Variants in SETD2 observed in about 807,000 individuals in gnomAD.
The protein encoded by SETD2 is SET domain containing 2, histone lysine methyltransferase.
SETD2 carries 31 observed loss-of-function variants against 242.1 expected under a neutral mutation model. The observed-to-expected ratio is 0.13, with a 90% CI of 0.10 to 0.17. SETD2 has a LOEUF of 0.17. Ranked by LOEUF, SETD2 falls within the 10% of genes least tolerant of loss-of-function variation. The pLI is 1.00. For missense variants in SETD2, 2,481 were observed against 3,046.3 expected (o/e 0.81, Z 4.37); for synonymous variants, 1,006 against 1,066.5 (o/e 0.94, Z 1.11).
Position 47,061,217 on chromosome 3 carries a change from C to CA in SETD2, c.6293+945dup, listed in dbSNP as rs948929003. The stretch of plus-strand genomic sequence containing the variant: ...TGGGCAACAGAGCAAGGCTCTGTCT[C>CA]AAAAAAAAAGATACTTCACAGAACA... On this transcript the variant is annotated intron_variant, in intron 14 of 20. Transcript: ENST00000409792. Among the ~76,000 whole-genome samples the CA allele has an allele frequency of 1.0e-4, 15 of 149,994 alleles. No individual in the cohort carries two copies. The East Asian group carries it at 1.4e-3, about 14-fold the overall frequency.
At chr3:47,130,164 T>C (rs940990496) in intron 1 of SETD2, among the ~76,000 whole-genome samples, 20 of 151,890 alleles carry the variant, frequency 1.3e-4, no homozygotes, top group African/African-American at 4.6e-4. Context: ...ACAAGAGGGG[T>C]AGAAGGCAAG....
At chr3:47,092,509 TTAAA>T (rs1233145769) in intron 9 of SETD2, among the ~76,000 whole-genome samples, 1 of 148,856 alleles carries the variant, frequency 6.7e-6, no homozygotes, top group Non-Finnish European at 1.5e-5. Context: ...TTTATATATA[TTAAA>T]TATATATTTA....
Position 47,163,838 on chromosome 3 carries a change from C to A in SETD2, c.71+16G>T, listed in dbSNP as rs1167518416. The stretch of plus-strand genomic sequence containing the variant: ...GGCGGCCGACAGCAGCGGGGGGCCG[C>A]GGAGCTGATACTTACTCAGGGGTCG... On this transcript the variant is annotated intron_variant, in intron 1 of 20. Coordinates refer to ENST00000409792, the MANE Select transcript of SETD2 (RefSeq NM_014159.7). The A allele has an allele frequency of 1.6e-6, 2 of 1,277,378 alleles. No individual in the cohort carries two copies. The highest frequency in any genetic ancestry group is 1.5e-5 in the African/African-American group (1 of 65,208). 79.1% of individuals were successfully genotyped at this position (1,277,378 alleles called of 1,614,324 possible). A position where few individuals can be genotyped will look rare whatever the true frequency, so the allele number is the denominator to read the frequency against.
At chr3:47,023,896 C>G (rs2038352259) in intron 18 of SETD2, among the ~76,000 whole-genome samples, 1 of 152,156 alleles carries the variant, frequency 6.6e-6, no homozygotes, top group Non-Finnish European at 1.5e-5. Context: ...TGAAATCAAT[C>G]CCCTATGGAT....
intron 2 of SETD2, 146 bp downstream of exon 2, chr3:47,126,502 T>C: frequency 2.1e-6 from 1 of 487,024 alleles, no homozygotes; most frequent in South Asian, 4.1e-5. Flanking sequence ...TTACCATGGC[T>C]CTAAAAACAA....
rs2106713970 is a variant in SETD2 at position 47,123,856 on chromosome 3, A to T, written c.780T>A (p.Ser260=). The change falls in exon 3 of 21, where the codon TCT becomes TCA. Residue 260 remains serine, a synonymous_variant. Coordinates refer to ENST00000409792, the MANE Select transcript of SETD2 (RefSeq NM_014159.7). The part of the protein sequence containing the change: ...LEADTKQDTI[S]NSLEEHVTQI... ...GAGTTACGTGTTCTTCTAAACTATT[A>T]GATATAGTGTCCTGCTTAGTATCTG... 3 of 1,550,524 alleles carry T rather than the reference A, an allele frequency of 1.9e-6. No homozygotes were observed. Among genetic ancestry groups the T allele is most frequent in the East Asian group, 2.4e-5 (1 of 40,924 alleles).
intron 5 of SETD2, among the ~76,000 whole-genome samples, chr3:47,113,106 C>CTTTTTTTTT: frequency 6.7e-6 from 1 of 148,208 alleles, no homozygotes; most frequent in Non-Finnish European, 1.5e-5. Flanking sequence ...CTCTTCTACT[C>CTTTTTTTTT]TTTTTTTTTT....
rs557416277 is a variant in SETD2, at chr3:47,077,827, T to C, written c.6060+5893A>G. Among the ~76,000 whole-genome samples, 3 of 152,164 alleles carry C rather than the reference T, an allele frequency of 2.0e-5. 1 individual carries two copies. The highest frequency in any genetic ancestry group is 4.1e-4 in the South Asian group (2 of 4,834). ...AAGGTAAAAGAAAATAATGGAGATATGTCAGAATGACACAAAAGCCAACAT... is the reference window on the plus strand; with the variant it reads ...AAGGTAAAAGAAAATAATGGAGATACGTCAGAATGACACAAAAGCCAACAT... On this transcript the variant is annotated intron_variant, in intron 12 of 20. Coordinates refer to ENST00000409792, the MANE Select transcript of SETD2 (RefSeq NM_014159.7).
chr3:47,163,750 G>GGGC, intron 1 of SETD2, 104 bp downstream of exon 1: 1 of 1,156,512 alleles, frequency 8.6e-7, no homozygotes. Flanking sequence ...CCGTGGGCCT[G>GGGC]TTACTCCTCG....
intron 17 of SETD2, chr3:47,041,530 T>G (rs2039280082): frequency 3.8e-6 from 1 of 264,216 alleles, no homozygotes; most frequent in Non-Finnish European, 7.6e-6. Context: ...ATTCCATAGT[T>G]CTATGTTAAT....
At chr3:47,147,934 A>T (rs1463179650) in intron 1 of SETD2, among the ~76,000 whole-genome samples, 1 of 151,538 alleles carries the variant, frequency 6.6e-6, no homozygotes, top group Non-Finnish European at 1.5e-5. Flanking sequence ...AAAAAAAAAA[A>T]AAAAAGATAT....
chr3:47,064,587 A>C (rs1324188950), intron 13 of SETD2: 2 of 370,216 alleles, frequency 5.4e-6, no homozygotes, highest in African/African-American at 2.1e-5. Flanking sequence ...GCACCTTAGA[A>C]TATGTGAGGC....
intron 13 of SETD2, among the ~76,000 whole-genome samples, chr3:47,063,741 T>C (rs1462002380): frequency 6.6e-6 from 1 of 152,070 alleles, no homozygotes; most frequent in Non-Finnish European, 1.5e-5. Flanking sequence ...TCCCAGCACT[T>C]TGGGAGGCCA....
In SETD2 at chr3:47,122,342, A is replaced by C. The variant is rs1325359308; in HGVS notation, c.2294T>G (p.Val765Gly). The C allele has an allele frequency of 6.2e-7, 1 of 1,614,200 alleles. No homozygotes were observed. Among genetic ancestry groups the C allele is most frequent in the Non-Finnish European group, 8.5e-7 (1 of 1,180,022 alleles). ...TGTTTTGGAATAATCCACAGTCATA[A>C]CTGGCATAGACATGAGTTTATCTTG... ...PHQDKLMSMP[V>G]MTVDYSKTVV... Residue 765 changes from valine (V) to glycine (G), a missense_variant, in exon 3 of 21, where the codon GTT (valine) becomes GGT (glycine). By Grantham distance (109) the Val-to-Gly change is moderately radical. This residue lies in a region of SETD2 where 1,300 missense variants were observed against 1,259.2 expected (regional missense o/e 1.03). Coordinates refer to ENST00000409792, the MANE Select transcript of SETD2 (RefSeq NM_014159.7).
intron 1 of SETD2, among the ~76,000 whole-genome samples, chr3:47,143,188 G>C (rs1254898027): frequency 6.6e-6 from 1 of 152,138 alleles, no homozygotes; most frequent in East Asian, 1.9e-4. Context: ...CAGGTACTCA[G>C]CAGGATGAGG....
At chr3:47,105,608 T>G in intron 6 of SETD2, 1 of 412,820 alleles carries the variant, frequency 2.4e-6, no homozygotes, top group South Asian at 1.8e-5. Flanking sequence ...GCTCTGCCCC[T>G]CATTTTTGTC....
At chr3:47,048,709 C>T (rs1209988826) in intron 15 of SETD2, among the ~76,000 whole-genome samples, 1 of 152,158 alleles carries the variant, frequency 6.6e-6, no homozygotes, top group Non-Finnish European at 1.5e-5. Flanking sequence ...CTCCTCCTCG[C>T]CAGGGTGGAG....
In SETD2 at chr3:47,163,870, C is replaced by G; in HGVS notation, c.55G>C (p.Glu19Gln). ...PPKMGDFYDP[E>Q]HPTPEEEENE... The stretch of plus-strand genomic sequence containing the variant: ...GATACTTACTCAGGGGTCGGGTGCT[C>G]CGGGTCGTAGAAATCCCCCATCTTC... The change falls in exon 1 of 21, where the codon GAG becomes CAG. Residue 19 changes from glutamate (E) to glutamine (Q), a missense_variant. Transcript: ENST00000409792. 1 of 1,316,116 alleles carries G rather than the reference C, an allele frequency of 7.6e-7. No individual in the cohort carries two copies. Among genetic ancestry groups the G allele is most frequent in the Non-Finnish European group, 9.7e-7 (1 of 1,026,320 alleles). 81.5% of individuals were successfully genotyped at this position (1,316,116 alleles called of 1,614,324 possible).
intron 5 of SETD2, among the ~76,000 whole-genome samples, chr3:47,108,409 T>A (rs539731754): frequency 4.3e-4 from 66 of 152,268 alleles, no homozygotes; most frequent in African/African-American, 1.3e-3. Flanking sequence ...TTATGCCCAT[T>A]TGACAAATAA....
Sources: gnomAD v4.1 joint callset for allele counts (sites outside exome capture counted in the v4.1 genomes callset) on GRCh38, gnomAD v4.1.1 for gene constraint, gnomAD v4.1.1 regional missense constraint, MANE v1.5 for transcripts, NCBI Gene and HGNC (gene_info 2026-07-23, HGNC 2026-07-21) for gene names.